The following ZNF644 variants were observed in gnomAD, a reference collection of about 807,000 sequenced individuals.
ZNF644 encodes zinc finger protein 644.
A neutral mutation model predicts 108.0 loss-of-function variants in ZNF644; 20 were observed. That is an observed-to-expected ratio of 0.19 (90% confidence interval 0.13 to 0.27). The LOEUF (loss-of-function observed/expected upper bound fraction) is 0.27, where lower values mean the gene tolerates loss of function less well. Ranked by LOEUF, ZNF644 falls within the 10% of genes least tolerant of loss-of-function variation. The pLI, the probability that ZNF644 is intolerant of heterozygous loss-of-function variation, is 1.00. For missense variants in ZNF644, 1,338 were observed against 1,548.9 expected (o/e 0.86, Z 2.29); for synonymous variants, 542 against 539.1 (o/e 1.01, Z -0.08).
At chr1:90,945,646 T>C (rs1652439393) in intron 2 of ZNF644, among the ~76,000 whole-genome samples, 1 of 152,118 alleles carries the variant, frequency 6.6e-6, no homozygotes, top group Non-Finnish European at 1.5e-5. Context: ...AATTATTCTG[T>C]AATCCCTCTG....
chr1:91,002,373 C>T (rs1570557408), intron 1 of ZNF644, among the ~76,000 whole-genome samples: 1 of 152,112 alleles, frequency 6.6e-6, no homozygotes, highest in Non-Finnish European at 1.5e-5. Flanking sequence ...GAAATAATAC[C>T]ACACAGCTAC....
At chr1:90,997,243 A>G (rs1232616516) in intron 1 of ZNF644, among the ~76,000 whole-genome samples, 1 of 152,186 alleles carries the variant, frequency 6.6e-6, no homozygotes, top group South Asian at 2.1e-4. Flanking sequence ...GGAAGTAAAA[A>G]GTAAGGCAGA....
At chr1:90,944,344 T>C (rs1170823651) in intron 2 of ZNF644, among the ~76,000 whole-genome samples, 1 of 152,160 alleles carries the variant, frequency 6.6e-6, no homozygotes, top group East Asian at 1.9e-4. Context: ...TCAACCTGTT[T>C]TGTTCAAAAA....
chr1:91,001,670 T>G (rs1658842561), intron 1 of ZNF644, among the ~76,000 whole-genome samples: 2 of 152,176 alleles, frequency 1.3e-5, no homozygotes, highest in African/African-American at 4.8e-5. Context: ...AACATAGTGT[T>G]GGAAGTTCTG....
At chr1:90,928,897 T>C (rs76561606) in intron 4 of ZNF644, among the ~76,000 whole-genome samples, 2 of 152,258 alleles carry the variant, frequency 1.3e-5, no homozygotes, top group Non-Finnish European at 2.9e-5. Context: ...GCTGAAACCA[T>C]ATAAACCCTT....
chr1:90,957,888 A>G (rs1199852688), intron 2 of ZNF644, among the ~76,000 whole-genome samples: 4 of 152,240 alleles, frequency 2.6e-5, no homozygotes, highest in Non-Finnish European at 5.9e-5. Context: ...AGCATCCACA[A>G]AAAAACTACT....
At chr1:91,002,595 A>G (rs1260113168) in intron 1 of ZNF644, among the ~76,000 whole-genome samples, 1 of 152,186 alleles carries the variant, frequency 6.6e-6, no homozygotes, top group Non-Finnish European at 1.5e-5. Flanking sequence ...AACCTAGGCA[A>G]TACCATTCAG....
intron 2 of ZNF644, among the ~76,000 whole-genome samples, chr1:90,980,048 T>C (rs1233563455): frequency 1.3e-5 from 2 of 152,120 alleles, no homozygotes; most frequent in Non-Finnish European, 1.5e-5. Context: ...CCCATCCCAT[T>C]CCAGCTAGCA....
chr1:90,927,601 C>T (rs759894198), intron 4 of ZNF644, among the ~76,000 whole-genome samples: 5 of 152,136 alleles, frequency 3.3e-5, no homozygotes, highest in Admixed American at 6.5e-5. Context: ...TCAGATAATT[C>T]GTTACCTTGC....
intron 5 of ZNF644, 52 bp from the exon 6 acceptor site, chr1:90,917,042 C>G: frequency 6.4e-7 from 1 of 1,566,998 alleles, no homozygotes; most frequent in Non-Finnish European, 8.8e-7. Context: ...TTCTTTAAAA[C>G]TAATTCACAC....
intron 1 of ZNF644, among the ~76,000 whole-genome samples, chr1:90,985,009 T>A (rs1298288761): frequency 2.0e-5 from 3 of 152,150 alleles, no homozygotes; most frequent in Non-Finnish European, 4.4e-5. Context: ...CAATAAAAAA[T>A]AAAGGCATAT....
intron 4 of ZNF644, among the ~76,000 whole-genome samples, chr1:90,918,979 G>GT (rs1344699809): frequency 6.6e-6 from 1 of 150,632 alleles, no homozygotes; most frequent in Non-Finnish European, 1.5e-5. Flanking sequence ...ATTTGAAAAG[G>GT]TAAAAAAAAA....
chr1:90,917,355 TTG>T (rs1283477676), intron 5 of ZNF644, among the ~76,000 whole-genome samples: 1 of 152,124 alleles, frequency 6.6e-6, no homozygotes, highest in African/African-American at 2.4e-5. Context: ...TTCATGTGTG[TTG>T]TGTGTGAGTG....
chr1:90,917,753 C>T (rs988469334), intron 5 of ZNF644, among the ~76,000 whole-genome samples: 2 of 152,216 alleles, frequency 1.3e-5, no homozygotes, highest in African/African-American at 4.8e-5. Flanking sequence ...CCATCTTGGC[C>T]ACCCAAAGTG....
At chr1:90,992,165 C>T (rs1196692624) in intron 1 of ZNF644, among the ~76,000 whole-genome samples, 1 of 152,092 alleles carries the variant, frequency 6.6e-6, no homozygotes, top group African/African-American at 2.4e-5. Flanking sequence ...TACCAACAGG[C>T]ATAAGGAAAC....
chr1:90,928,591 G>A (rs1368275016), intron 4 of ZNF644, among the ~76,000 whole-genome samples: 1 of 152,016 alleles, frequency 6.6e-6, no homozygotes, highest in East Asian at 1.9e-4. Context: ...CCAAAGTAAT[G>A]GGATTACAAG....
At chr1:90,960,955 G>C (rs1433835974) in intron 2 of ZNF644, among the ~76,000 whole-genome samples, 9 of 152,134 alleles carry the variant, frequency 5.9e-5, no homozygotes, top group African/African-American at 1.9e-4. Flanking sequence ...GTGAAATACA[G>C]AACATGACCA....
chr1:90,956,074 GGAGA>G (rs1322169153), intron 2 of ZNF644, among the ~76,000 whole-genome samples: 1 of 152,144 alleles, frequency 6.6e-6, no homozygotes, highest in Non-Finnish European at 1.5e-5. Flanking sequence ...CCAAGGAGAG[GGAGA>G]GAGACAGGCA....
chr1:90,992,670 A>T (rs564474477), intron 1 of ZNF644, among the ~76,000 whole-genome samples: 9 of 152,258 alleles, frequency 5.9e-5, no homozygotes, highest in Non-Finnish European at 1.3e-4. Context: ...CAACTGAAAC[A>T]AAAAGCCTGA....
Sources: allele counts gnomAD v4.1 joint callset (sites outside exome capture counted in the v4.1 genomes callset), GRCh38; gene constraint gnomAD v4.1.1; transcripts MANE v1.5; gene names NCBI Gene and HGNC (gene_info 2026-07-23, HGNC 2026-07-21).